Variants in EPB41 observed in about 807,000 individuals in gnomAD.
The protein encoded by EPB41 is protein 4.1.
A neutral mutation model predicts 108.0 loss-of-function variants in EPB41; 65 were observed. That is an observed-to-expected ratio of 0.60 (90% CI 0.49 to 0.74). EPB41 has a LOEUF of 0.74. Ranked by LOEUF, EPB41 falls within the 30% of genes least tolerant of loss-of-function variation. The pLI, the probability that EPB41 is intolerant of heterozygous loss-of-function variation, is 0.00. For missense variants in EPB41, 875 were observed against 1,037.0 expected, an observed-to-expected ratio of 0.84 and a Z score of 2.15; for synonymous variants, 336 against 358.9, an observed-to-expected ratio of 0.94 and a Z score of 0.72.
At chr1:29,015,028 C>G (rs1211075861) in intron 5 of EPB41, among the ~76,000 whole-genome samples, 1 of 151,880 alleles carries the variant, frequency 6.6e-6, no homozygotes, top group Non-Finnish European at 1.5e-5. Flanking sequence ...GCCTGTAGAC[C>G]CAGCATTTCT....
chr1:29,023,034 G>A (rs959297572), intron 7 of EPB41, among the ~76,000 whole-genome samples: 1 of 151,766 alleles, frequency 6.6e-6, no homozygotes. Flanking sequence ...CACTCTTGTC[G>A]CCCAGGCTGG....
Position 28,987,536 on chromosome 1 carries a change from T to G in EPB41, c.99T>G (p.Pro33=). ...CCATAAACTCAGGCCAACAAGAACCTCAGCAGGAGGAATCTTGTCAAACAG... is the reference window on the plus strand; with the variant it reads ...CCATAAACTCAGGCCAACAAGAACCGCAGCAGGAGGAATCTTGTCAAACAG... ...EEAINSGQQE[P]QQEESCQTAA... The change falls in exon 2 of 21, where the codon CCT becomes CCG. Residue 33 remains proline, a synonymous_variant. Coordinates refer to ENST00000343067, the MANE Select transcript of EPB41 (RefSeq NM_001376013.1). 6.2e-7 allele frequency: 1 copy of G among 1,614,060 alleles called. No individual in the cohort carries two copies. The highest frequency in any genetic ancestry group is 1.1e-5 in the South Asian group (1 of 91,078).
rs1266252891 is a variant in EPB41, at chr1:28,987,444, A to G, written c.7A>G (p.Thr3Ala). Residue 3 changes from threonine to alanine, a missense_variant, in exon 2 of 21, where the codon ACA (threonine) becomes GCA (alanine). Physicochemically the swap from Thr to Ala is moderately conservative, Grantham distance 58. Coordinates refer to ENST00000343067, the MANE Select transcript of EPB41 (RefSeq NM_001376013.1). ...TCTTTTTAATAGCAACATCATGACA[A>G]CAGAGAAGAGTTTAGTGACTGAGGC... MT[T>A]EKSLVTEAEN... 1.2e-6 allele frequency: 2 copies of G among 1,614,046 alleles called. No individual in the cohort carries two copies. Among genetic ancestry groups the G allele is most frequent in the East Asian group, 2.2e-5 (1 of 44,898 alleles).
intron 12 of EPB41, among the ~76,000 whole-genome samples, chr1:29,056,279 A>C (rs1487402884): frequency 6.8e-6 from 1 of 147,478 alleles, no homozygotes; most frequent in Non-Finnish European, 1.5e-5. Flanking sequence ...AAAACAAAAC[A>C]AAAAAAAAAC....
chr1:29,106,564 A>AATT lies in EPB41; in HGVS notation c.2314-2772_2314-2771insATT, dbSNP rs1233211329. 3.5e-3 allele frequency among the ~76,000 whole-genome samples: 178 copies of AATT among 50,878 alleles called. 23 individuals carry two copies. The highest frequency in any genetic ancestry group is 0.021 in the Middle Eastern group (1 of 48). The allele number at this position is 50,878 out of a possible 152,430, so 33.4% of individuals were successfully genotyped here. On this transcript the variant is annotated intron_variant, in intron 17 of 20. Coordinates refer to ENST00000343067, the MANE Select transcript of EPB41 (RefSeq NM_001376013.1). ...CCTCTCAGCCTCCCGAGTAGCTGGG[A>AATT]TTTTTTTTTTTTTTTTTTTTTTTTT...
At chr1:28,975,221 C>T (rs113633786) in intron 1 of EPB41, among the ~76,000 whole-genome samples, 7 of 152,142 alleles carry the variant, frequency 4.6e-5, no homozygotes, top group African/African-American at 9.7e-5. Context: ...CGTGAGTTAC[C>T]GTGCCCGGCC....
intron 12 of EPB41, among the ~76,000 whole-genome samples, chr1:29,058,149 A>G (rs1274403626): frequency 3.3e-5 from 5 of 152,220 alleles, no homozygotes; most frequent in African/African-American, 7.2e-5. Context: ...TTCCTGTCAT[A>G]TATGTCATAC....
At chr1:28,982,169 T>C (rs370770995) in intron 1 of EPB41, 67 of 319,810 alleles carry the variant, frequency 2.1e-4, no homozygotes, top group African/African-American at 1.4e-3. Flanking sequence ...CTTGCGATAG[T>C]TTGCTGAGAA....
At chr1:29,043,850 G>A (rs1337849447) in intron 11 of EPB41, among the ~76,000 whole-genome samples, 6 of 152,198 alleles carry the variant, frequency 3.9e-5, no homozygotes, top group African/African-American at 1.4e-4. Context: ...TTGAGTGTTG[G>A]CAACAAAGAC....
chr1:28,901,660 A>T (rs1373061393), intron 1 of EPB41, among the ~76,000 whole-genome samples: 1 of 151,872 alleles, frequency 6.6e-6, no homozygotes, highest in Non-Finnish European at 1.5e-5. Flanking sequence ...CAGCCTCCTG[A>T]GTAGCTGGGA....
At position 28,973,816 on chromosome 1, in the gene EPB41, G is replaced by A. The variant is rs1005645591; in HGVS notation, c.-7-13615G>A. On this transcript the variant is annotated intron_variant, in intron 1 of 20. Transcript: ENST00000343067. ...CCTCTCTCTGGCATCTACAACAGAT[G>A]GGCATTCAGCTTGAGTGAATATTTT... Among the ~76,000 whole-genome samples, 346 of 152,254 alleles carry A rather than the reference G, an allele frequency of 2.3e-3. 7 individuals carry two copies. Among genetic ancestry groups the A allele is most frequent in the Non-Finnish European group, 2.6e-4 (18 of 68,024 alleles).
At chr1:28,948,387 T>A (rs2094565201) in intron 1 of EPB41, among the ~76,000 whole-genome samples, 2 of 151,442 alleles carry the variant, frequency 1.3e-5, no homozygotes, top group Non-Finnish European at 2.9e-5. Context: ...CGGGCCCTTG[T>A]AGTCCCAGCT....
At chr1:29,090,780 G>A (rs1660905910) in intron 16 of EPB41, among the ~76,000 whole-genome samples, 1 of 152,052 alleles carries the variant, frequency 6.6e-6, no homozygotes, top group Admixed American at 6.6e-5. Context: ...GAGGAAGTTG[G>A]GGTGGGAAGC....
At chr1:28,986,437 T>C (rs2095870712) in intron 1 of EPB41, among the ~76,000 whole-genome samples, 1 of 152,230 alleles carries the variant, frequency 6.6e-6, no homozygotes, top group Non-Finnish European at 1.5e-5. Flanking sequence ...ATCAAGAGGC[T>C]AGAAGCCAAG....
Position 28,887,980 on chromosome 1 carries a change from C to G in EPB41, c.-8+770C>G, listed in dbSNP as rs778100167. ...GTCTTTCCTCAAGAATTGTCTCGCC[C>G]TCACCTACACTTCCCGGCAGGCCCC... is the stretch of plus-strand genomic sequence containing the variant. On this transcript the variant is annotated intron_variant, in intron 1 of 16. Transcript: ENST00000347529. The surrounding 1 kb of genome is among the most constrained non-coding windows in gnomAD (Gnocchi z 4.9). Among the ~76,000 whole-genome samples the G allele has an allele frequency of 5.9e-5, 9 of 152,200 alleles. No homozygotes were observed. The highest frequency in any genetic ancestry group is 1.2e-4 in the Non-Finnish European group (8 of 68,038).
At chr1:28,990,180 C>T (rs377653057) in intron 2 of EPB41, among the ~76,000 whole-genome samples, 16 of 148,892 alleles carry the variant, frequency 1.1e-4, no homozygotes, top group Middle Eastern at 3.5e-3. Context: ...TGCTGAGAGC[C>T]GAGATCACGC....
At chr1:28,905,818 C>CTTTCT (rs1238075061) in intron 1 of EPB41, among the ~76,000 whole-genome samples, 2 of 133,862 alleles carry the variant, frequency 1.5e-5, no homozygotes, top group Admixed American at 7.9e-5. Flanking sequence ...TTCTTTCTTT[C>CTTTCT]TTTTTTTTTT....
intron 16 of EPB41, among the ~76,000 whole-genome samples, chr1:29,068,090 A>G (rs1446333992): frequency 6.6e-6 from 1 of 152,196 alleles, no homozygotes; most frequent in Admixed American, 6.5e-5. Context: ...CTAAATGAAC[A>G]ATTCTGAACA....
At chr1:29,075,891 C>A (rs1653848893) in intron 16 of EPB41, among the ~76,000 whole-genome samples, 1 of 152,160 alleles carries the variant, frequency 6.6e-6, no homozygotes, top group Non-Finnish European at 1.5e-5. Context: ...TCTTCCAGTG[C>A]TTGACTCTTC....
Sources: gnomAD v4.1 joint callset for allele counts (sites outside exome capture counted in the v4.1 genomes callset) on GRCh38, gnomAD v4.1.1 for gene constraint, Gnocchi (gnomAD v3.1) non-coding constraint, MANE v1.5 for transcripts, NCBI Gene and HGNC (gene_info 2026-07-23, HGNC 2026-07-21) for gene names.